Variants in FBRSL1 observed in about 807,000 individuals in gnomAD.
FBRSL1 encodes the protein fibrosin-1-like protein.
A neutral mutation model predicts 89.6 loss-of-function variants in FBRSL1; 51 were observed. The observed-to-expected ratio is 0.57, with a 90% CI of 0.45 to 0.72. The LOEUF is 0.72. FBRSL1 is among the 30% of genes least tolerant of loss of function. The probability of loss-of-function intolerance (pLI) is 0.00; values close to 1 mark genes in which losing one functional copy is unlikely to be tolerated. For synonymous variants in FBRSL1, 779 were observed against 681.1 expected, an observed-to-expected ratio of 1.14 and a Z score of -2.24; for missense variants, 1,618 against 1,451.8, an observed-to-expected ratio of 1.11 and a Z score of -1.86.
At chr12:132,582,624 G>T (rs1466679195) in intron 18 of FBRSL1, among the ~76,000 whole-genome samples, 3 of 152,054 alleles carry the variant, frequency 2.0e-5, no homozygotes, top group Admixed American at 6.5e-5. Flanking sequence ...TGCCATCCGG[G>T]AGACCTCCAG....
chr12:132,529,336 C>G (rs1477113960), intron 4 of FBRSL1, among the ~76,000 whole-genome samples: 1 of 152,224 alleles, frequency 6.6e-6, no homozygotes, highest in Non-Finnish European at 1.5e-5. Context: ...CAGGAAGCGG[C>G]AAGGGAGCGG....
chr12:132,517,381 G>A lies in FBRSL1; in HGVS notation c.490-8353G>A, dbSNP rs529583674. 4.2e-3 allele frequency among the ~76,000 whole-genome samples: 636 copies of A among 152,344 alleles called. 2 individuals are homozygous for A. The highest frequency in any genetic ancestry group is 0.015 in the African/African-American group (616 of 41,576). On this transcript the variant is annotated intron_variant, in intron 2 of 18. Coordinates refer to ENST00000680143, the MANE Select transcript of FBRSL1 (RefSeq NM_001367871.1). ...AGCCTGGGGCTAGCCGTTCCGGGGC[G>A]AGCATGGCCACCTCTGCTTTCCCAG...
At chr12:132,557,695 G>C (rs533740320) in intron 5 of FBRSL1, among the ~76,000 whole-genome samples, 1 of 152,214 alleles carries the variant, frequency 6.6e-6, no homozygotes, top group South Asian at 2.1e-4. Context: ...GAGACTGGCC[G>C]TAGCCCAATT....
rs2040912017 is a variant in FBRSL1, at chr12:132,583,230, G to A, written c.2461G>A (p.Asp821Asn). ...GAAGGTCAAGGAGGAGCGCGGGGAGGACGAGGCCTCCGAGCCCCCGGCGGG... is the reference window on the plus strand; with the variant it reads ...GAAGGTCAAGGAGGAGCGCGGGGAGAACGAGGCCTCCGAGCCCCCGGCGGG... ...DVKVKEERGE[D>N]EASEPPAGGL... The change falls in exon 19 of 19, where the codon GAC (aspartate) becomes AAC (asparagine). Residue 821 changes from aspartate to asparagine, a missense_variant. Asp to Asn is a conservative substitution (Grantham distance 23). Transcript: ENST00000680143. 2 of 1,388,352 alleles carry A rather than the reference G, an allele frequency of 1.4e-6. No homozygotes were observed. Among genetic ancestry groups the A allele is most frequent in the Non-Finnish European group, 1.9e-6 (2 of 1,070,630 alleles). 86.0% of individuals were successfully genotyped at this position (1,388,352 alleles called of 1,614,324 possible). A position where few individuals can be genotyped will look rare whatever the true frequency, so the allele number is the denominator to read the frequency against.
intron 5 of FBRSL1, among the ~76,000 whole-genome samples, chr12:132,549,378 G>A (rs973440763): frequency 3.3e-5 from 5 of 152,156 alleles, no homozygotes; most frequent in African/African-American, 9.7e-5. Context: ...GCGTGGCTCC[G>A]CGTGGCCCTC....
Position 132,496,761 on chromosome 12 carries a change from C to T in FBRSL1, c.291+5900C>T, listed in dbSNP as rs570118519. Among the ~76,000 whole-genome samples, 62 of 152,372 alleles carry T rather than the reference C, an allele frequency of 4.1e-4. 1 individual carries two copies. In the South Asian group the frequency reaches 6.4e-3, roughly 16 times the overall value. Reference sequence around the variant, plus strand: ...TGGGCGCTCTGTCTTGCACGGGACGCATCTCTGGTCCAGCATCAGGTAGGG... The same window carrying T: ...TGGGCGCTCTGTCTTGCACGGGACGTATCTCTGGTCCAGCATCAGGTAGGG... On this transcript the variant is annotated intron_variant, in intron 1 of 18. Transcript: ENST00000680143.
At chr12:132,573,785 T>C (rs77640015) in intron 11 of FBRSL1, among the ~76,000 whole-genome samples, 3,524 of 152,246 alleles carry the variant, frequency 0.023, 138 homozygotes, top group African/African-American at 0.081. Flanking sequence ...CCTCCTGGGC[T>C]GGAGACTAGG....
In FBRSL1 at chr12:132,531,579, G is replaced by A. The variant is rs567278989; in HGVS notation, c.615+3591G>A. On this transcript the variant is annotated intron_variant, in intron 4 of 18. Coordinates refer to ENST00000680143, the MANE Select transcript of FBRSL1 (RefSeq NM_001367871.1). ...TGTGTGTGTGTGTGCACCCGCGTGTGTGTGACCTGTGTTTGTGTGTTTGCA... is the reference window on the plus strand; with the variant it reads ...TGTGTGTGTGTGTGCACCCGCGTGTATGTGACCTGTGTTTGTGTGTTTGCA... Among the ~76,000 whole-genome samples, 33 of 152,292 alleles carry A rather than the reference G, an allele frequency of 2.2e-4. No homozygotes were observed. The South Asian group carries it at 6.4e-3, about 30-fold the overall frequency.
chr12:132,526,287 C>T (rs1030908717), intron 3 of FBRSL1, among the ~76,000 whole-genome samples: 4 of 152,196 alleles, frequency 2.6e-5, no homozygotes, highest in Admixed American at 1.3e-4. Context: ...CTTGAGGCAT[C>T]TCATTATCAT....
chr12:132,515,092 G>C (rs577393062), intron 2 of FBRSL1, among the ~76,000 whole-genome samples: 3 of 152,222 alleles, frequency 2.0e-5, no homozygotes, highest in African/African-American at 4.8e-5. Flanking sequence ...TGCCCATGCT[G>C]TTCCCAGGCG....
At chr12:132,522,693 T>C (rs1374535261) in intron 2 of FBRSL1, among the ~76,000 whole-genome samples, 1 of 152,172 alleles carries the variant, frequency 6.6e-6, no homozygotes, top group African/African-American at 2.4e-5. Flanking sequence ...CTGACATAAC[T>C]GGACAGACTC....
chr12:132,548,555 G>A (rs1484667447), intron 5 of FBRSL1, among the ~76,000 whole-genome samples: 7 of 152,218 alleles, frequency 4.6e-5, no homozygotes, highest in African/African-American at 7.2e-5. Flanking sequence ...TGAACCCCCC[G>A]GGCAGCCCCT....
intron 2 of FBRSL1, chr12:132,510,766 C>T: frequency 8.5e-7 from 1 of 1,170,626 alleles, no homozygotes; most frequent in Non-Finnish European, 1.1e-6. Context: ...GCGTTGCTGC[C>T]TGTGGTGTGC....
intron 14 of FBRSL1, among the ~76,000 whole-genome samples, chr12:132,574,893 C>T (rs955851142): frequency 6.6e-6 from 1 of 152,110 alleles, no homozygotes; most frequent in African/African-American, 2.4e-5. Flanking sequence ...CTGCCGCCCC[C>T]ACTCCCCACA....
chr12:132,562,022 A>G (rs890342289), intron 5 of FBRSL1, among the ~76,000 whole-genome samples: 2 of 151,806 alleles, frequency 1.3e-5, no homozygotes, highest in African/African-American at 4.8e-5. Context: ...TGGAGGCCCA[A>G]AGGCTGGTCT....
chr12:132,513,559 T>G (rs959546923), intron 2 of FBRSL1, among the ~76,000 whole-genome samples: 2 of 152,160 alleles, frequency 1.3e-5, no homozygotes, highest in Admixed American at 6.5e-5. Flanking sequence ...GTCACCTCTG[T>G]GGGGGCCTCT....
chr12:132,581,791 C>T lies in FBRSL1; in HGVS notation c.1963C>T (p.His655Tyr). 1 of 1,549,138 alleles carries T rather than the reference C, an allele frequency of 6.5e-7. No homozygotes were observed. Among genetic ancestry groups the T allele is most frequent in the Middle Eastern group, 1.7e-4 (1 of 5,970 alleles). Reference sequence around the variant, plus strand: ...TGGGGGCCTGGGCAGCCTGAGCAGCCACGCCTTTGGGGGCCTGGGCAGCCA... The same window carrying T: ...TGGGGGCCTGGGCAGCCTGAGCAGCTACGCCTTTGGGGGCCTGGGCAGCCA... ...TFGGLGSLSS[H>Y]AFGGLGSHAL... Residue 655 changes from histidine (H) to tyrosine (Y), a missense_variant, in exon 17 of 19, where the codon CAC (histidine) becomes TAC (tyrosine). Physicochemically the swap from His to Tyr is moderately conservative, Grantham distance 83 (BLOSUM62 2). Transcript: ENST00000680143.
chr12:132,570,649 G>A (rs1361811118), intron 8 of FBRSL1, 109 bp downstream of exon 8: 1 of 1,018,210 alleles, frequency 9.8e-7, no homozygotes, highest in Non-Finnish European at 1.4e-6. Flanking sequence ...TGGTCTCTGC[G>A]GACCCTGCGC....
At chr12:132,515,398 T>C (rs1434357951) in intron 2 of FBRSL1, among the ~76,000 whole-genome samples, 1 of 152,080 alleles carries the variant, frequency 6.6e-6, no homozygotes, top group Non-Finnish European at 1.5e-5. Context: ...GACCTGAATT[T>C]CACTAGAAAA....
Sources: allele counts gnomAD v4.1 joint callset (sites outside exome capture counted in the v4.1 genomes callset), GRCh38; gene constraint gnomAD v4.1.1; transcripts MANE v1.5; gene names NCBI Gene and HGNC (gene_info 2026-07-23, HGNC 2026-07-21).